EHMT1: variants seen among roughly 807,000 people sequenced by gnomAD.
The protein encoded by EHMT1 is histone-lysine N-methyltransferase EHMT1.
Under a neutral mutation model 147.2 loss-of-function variants are expected in EHMT1, and 15 were observed. The ratio of observed to expected loss-of-function variants is 0.10; its 90% CI spans 0.07 to 0.16. The LOEUF (loss-of-function observed/expected upper bound fraction) is 0.16. Ranked by LOEUF, EHMT1 falls within the 10% of genes least tolerant of loss-of-function variation. The probability of loss-of-function intolerance (pLI) is 1.00; values close to 1 mark genes in which losing one functional copy is unlikely to be tolerated. For synonymous variants in EHMT1, 795 were observed against 709.6 expected, an observed-to-expected ratio of 1.12 and a Z score of -1.91; for missense variants, 1,587 against 1,772.4, an observed-to-expected ratio of 0.90 and a Z score of 1.88.
chr9:137,760,972 A>T (rs936915861), intron 9 of EHMT1, among the ~76,000 whole-genome samples: 2 of 152,174 alleles, frequency 1.3e-5, no homozygotes, highest in Non-Finnish European at 2.9e-5. Context: ...GCACCACTGC[A>T]CTCCAGCCTG....
At chr9:137,656,842 G>A (rs1364334506) in intron 1 of EHMT1, among the ~76,000 whole-genome samples, 2 of 152,136 alleles carry the variant, frequency 1.3e-5, no homozygotes, top group African/African-American at 4.8e-5. Context: ...CCAGGTTCAA[G>A]CGATTCTCCT....
intron 19 of EHMT1, among the ~76,000 whole-genome samples, chr9:137,812,218 A>T (rs1588849940): frequency 6.6e-6 from 1 of 152,102 alleles, no homozygotes; most frequent in Non-Finnish European, 1.5e-5. Flanking sequence ...TGTGCCTGTA[A>T]CCCCAGCTAC....
In EHMT1 at chr9:137,621,052, A is replaced by C. The variant is rs113228810; in HGVS notation, c.21+2003A>C. On this transcript the variant is annotated intron_variant, in intron 1 of 26. Transcript: ENST00000460843. ...GCCCAAGATTGAAGAGCTTGTGGCC[A>C]AGAAGATGGAGTTGCAGGTGGTTTG... Among the ~76,000 whole-genome samples, 327 of 152,384 alleles carry C rather than the reference A, an allele frequency of 2.1e-3. 1 individual carries two copies. The highest frequency in any genetic ancestry group is 3.2e-3 in the Non-Finnish European group (220 of 68,042).
intron 10 of EHMT1, among the ~76,000 whole-genome samples, chr9:137,770,630 CT>C (rs1390103165): frequency 2.6e-5 from 4 of 152,220 alleles, no homozygotes; most frequent in Non-Finnish European, 5.9e-5. Flanking sequence ...CAGCCATAAT[CT>C]TTCACCTGTG....
chr9:137,783,025 G>C (rs1033023812), intron 15 of EHMT1, among the ~76,000 whole-genome samples: 1 of 152,200 alleles, frequency 6.6e-6, no homozygotes, highest in Non-Finnish European at 1.5e-5. Flanking sequence ...TCTGACTTCT[G>C]ATCCTTTGTG....
chr9:137,690,754 G>A (rs928922906), intron 1 of EHMT1, among the ~76,000 whole-genome samples: 1 of 152,006 alleles, frequency 6.6e-6, no homozygotes, highest in African/African-American at 2.4e-5. Flanking sequence ...AAACATTCCC[G>A]TGTTGGTGGT....
chr9:137,622,670 G>A (rs553478112), intron 1 of EHMT1, among the ~76,000 whole-genome samples: 10 of 152,128 alleles, frequency 6.6e-5, no homozygotes, highest in Admixed American at 2.0e-4. Context: ...CTGGGAGGCC[G>A]AGATGAGAGG....
chr9:137,691,299 A>G (rs1350659988), intron 1 of EHMT1, among the ~76,000 whole-genome samples: 1 of 148,964 alleles, frequency 6.7e-6, no homozygotes. Flanking sequence ...GCTGAATAGT[A>G]TATATGTAAT....
intron 1 of EHMT1, among the ~76,000 whole-genome samples, chr9:137,707,157 T>A (rs576353105): frequency 2.0e-5 from 3 of 152,342 alleles, no homozygotes; most frequent in South Asian, 4.1e-4. Flanking sequence ...AACTAATTTG[T>A]CCTTAATCTG....
chr9:137,780,813 A>AGATGTGTGGTGATGACGCCGG (rs1951389813), intron 14 of EHMT1, among the ~76,000 whole-genome samples: 1 of 77,618 alleles, frequency 1.3e-5, no homozygotes, highest in Non-Finnish European at 2.4e-5. Flanking sequence ...CATCTCACTG[A>AGATGTGTGGTGATGACGCCGG]GATGTGTGGT....
At chr9:137,825,203 TCA>T (rs1167031695) in intron 25 of EHMT1, among the ~76,000 whole-genome samples, 1 of 152,208 alleles carries the variant, frequency 6.6e-6, no homozygotes, top group Non-Finnish European at 1.5e-5. Context: ...GCTGCCTTCC[TCA>T]CATTCTGTGG....
intron 10 of EHMT1, 127 bp from the exon 11 acceptor site, chr9:137,774,982 G>A: frequency 7.2e-7 from 1 of 1,386,940 alleles, no homozygotes; most frequent in East Asian, 2.3e-5. Flanking sequence ...TGGCCTTGCA[G>A]GGCTCGGCTC....
At chr9:137,804,946 T>C (rs565963953) in intron 18 of EHMT1, among the ~76,000 whole-genome samples, 10 of 152,330 alleles carry the variant, frequency 6.6e-5, no homozygotes, top group African/African-American at 1.7e-4. Context: ...CTGTCAGTCA[T>C]CCATGTATGA....
chr9:137,685,948 TAGTC>T (rs112214743), intron 1 of EHMT1, among the ~76,000 whole-genome samples: 24 of 151,902 alleles, frequency 1.6e-4, no homozygotes, highest in African/African-American at 4.1e-4. Flanking sequence ...TTCATTTATT[TAGTC>T]AGTCAGTCAG....
At position 137,748,372 on chromosome 9, in the gene EHMT1, C is replaced by T. The variant is rs576699955; in HGVS notation, c.1171-3959C>T. ...GGCCAGGGAGGCGACCATACAGGTT[C>T]CTCTGTATGGCTGCTCTCGTGTCTG... On this transcript the variant is annotated intron_variant, in intron 6 of 26. Coordinates refer to ENST00000460843, the MANE Select transcript of EHMT1 (RefSeq NM_024757.5). Among the ~76,000 whole-genome samples, 7 of 152,198 alleles carry T rather than the reference C, an allele frequency of 4.6e-5. 1 individual carries two copies. The highest frequency in any genetic ancestry group is 4.6e-4 in the Admixed American group (7 of 15,274).
chr9:137,761,931 T>C (rs11137206), intron 9 of EHMT1, among the ~76,000 whole-genome samples: 1 of 152,068 alleles, frequency 6.6e-6, no homozygotes, highest in Non-Finnish European at 1.5e-5. Flanking sequence ...TTCCTGGCGG[T>C]GCCCTCCACC....
chr9:137,651,268 A>G (rs769422326), intron 1 of EHMT1, among the ~76,000 whole-genome samples: 8 of 152,280 alleles, frequency 5.3e-5, no homozygotes, highest in South Asian at 2.1e-4. Context: ...GATAAAGTCT[A>G]ATTTATCCCT....
chr9:137,758,252 A>C (rs1401388990), intron 9 of EHMT1, among the ~76,000 whole-genome samples: 1 of 152,236 alleles, frequency 6.6e-6, no homozygotes, highest in Non-Finnish European at 1.5e-5. Flanking sequence ...AGCATGGCCC[A>C]GCGTGGCGGT....
At chr9:137,635,799 G>C (rs1012139084) in intron 1 of EHMT1, among the ~76,000 whole-genome samples, 2 of 151,572 alleles carry the variant, frequency 1.3e-5, no homozygotes, top group African/African-American at 4.8e-5. Flanking sequence ...CAGCCTGGGC[G>C]ACAGAGCGAG....
Sources: gnomAD v4.1 joint callset for allele counts (sites outside exome capture counted in the v4.1 genomes callset) on GRCh38, gnomAD v4.1.1 for gene constraint, MANE v1.5 for transcripts, NCBI Gene and HGNC (gene_info 2026-07-23, HGNC 2026-07-21) for gene names.